Variants in DNA2 observed in about 807,000 individuals in gnomAD.
DNA2 encodes DNA replication helicase/nuclease 2, also known as DNA replication ATP-dependent helicase/nuclease DNA2.
Under a neutral mutation model 119.1 loss-of-function variants are expected in DNA2, and 101 were observed. The ratio of observed to expected loss-of-function variants is 0.85; its 90% confidence interval spans 0.72 to 1.00. The LOEUF is 1.00. Ranked by LOEUF, DNA2 falls within the 50% of genes least tolerant of loss-of-function variation. The pLI is 0.00. For synonymous variants in DNA2, 366 were observed against 424.4 expected, an observed-to-expected ratio of 0.86 and a Z score of 1.69; for missense variants, 1,121 against 1,255.5, an observed-to-expected ratio of 0.89 and a Z score of 1.62.
chr10:68,425,405 CTT>C (rs769692060), intron 14 of DNA2, among the ~76,000 whole-genome samples: 6 of 123,260 alleles, frequency 4.9e-5, no homozygotes, highest in Non-Finnish European at 5.3e-5. Context: ...TGTTTGTGTT[CTT>C]TTTTTTTTTT....
chr10:68,454,738 G>A (rs535990249), intron 5 of DNA2, among the ~76,000 whole-genome samples: 2 of 151,748 alleles, frequency 1.3e-5, no homozygotes, highest in Non-Finnish European at 2.9e-5. Flanking sequence ...CCTGGGAGGC[G>A]GAGGTTGTAG....
chr10:68,455,971 A>C (rs989837144), intron 5 of DNA2, among the ~76,000 whole-genome samples: 1 of 152,196 alleles, frequency 6.6e-6, no homozygotes, highest in Non-Finnish European at 1.5e-5. Context: ...TAACCCTAGC[A>C]CTTTGGGAGG....
At chr10:68,435,809 A>G (rs775237288) in intron 10 of DNA2, among the ~76,000 whole-genome samples, 4 of 152,188 alleles carry the variant, frequency 2.6e-5, no homozygotes, top group African/African-American at 9.7e-5. Flanking sequence ...GTATACTTAT[A>G]TCACAACTAT....
At chr10:68,424,930 A>T (rs2051717548) in intron 14 of DNA2, 2 of 683,846 alleles carry the variant, frequency 2.9e-6, no homozygotes, top group Non-Finnish European at 5.5e-6. Context: ...CACAAAGCCA[A>T]GTCTCGACAA....
chr10:68,451,709 C>G (rs540071782), intron 5 of DNA2, among the ~76,000 whole-genome samples: 21 of 151,300 alleles, frequency 1.4e-4, no homozygotes, highest in African/African-American at 4.8e-4. Context: ...TTGTTTAGTT[C>G]ATATTATTAT....
At chr10:68,442,796 A>G (rs1590061832) in intron 9 of DNA2, 121 bp downstream of exon 9, 10 of 825,694 alleles carry the variant, frequency 1.2e-5, no homozygotes, top group African/African-American at 8.7e-5. Flanking sequence ...GTTGTCATGA[A>G]TAAATGAAAT....
chr10:68,432,531 T>C, intron 10 of DNA2, 21 bp from the exon 11 acceptor site: 2 of 1,288,368 alleles, frequency 1.6e-6, no homozygotes, highest in East Asian at 2.5e-5. Flanking sequence ...AAAACAAATA[T>C]ACATGAATGC....
In DNA2 at chr10:68,459,149, A is replaced by G. The variant is rs1012375805; in HGVS notation, c.674T>C (p.Met225Thr). Residue 225 changes from methionine to threonine, a missense_variant, in exon 5 of 21, where the codon ATG becomes ACG. By Grantham distance (81) the Met-to-Thr change is moderately conservative. Coordinates refer to ENST00000358410, the MANE Select transcript of DNA2 (RefSeq NM_001080449.3). ...GAAGTCAGTCGAAGTGTTTTTATGC[A>G]TGAAATCTCCTGCCCATTTACAAAA... ...PSFCKWAGDF[M>T]HKNTSTDFPQ... is the part of the protein sequence containing the mutation. 6.3e-7 allele frequency: 1 copy of G among 1,598,348 alleles called. No homozygotes were observed. The highest frequency in any genetic ancestry group is 8.5e-7 in the Non-Finnish European group (1 of 1,171,636).
intron 9 of DNA2, among the ~76,000 whole-genome samples, chr10:68,438,912 A>T (rs946381670): frequency 6.6e-6 from 1 of 150,988 alleles, no homozygotes; most frequent in African/African-American, 2.4e-5. Flanking sequence ...AAGCACCTGT[A>T]ATCCCAGCTA....
chr10:68,428,251 G>A lies in DNA2; in HGVS notation c.2208+2185C>T, dbSNP rs150591544. ...CTGAGGCAGGAGAATGGCATGAGCT[G>A]GAAGGCGGAGCTTGCAGTGAGCCAA... On this transcript the variant is annotated intron_variant, in intron 14 of 20. Transcript: ENST00000358410. Among the ~76,000 whole-genome samples, 1,138 of 152,140 alleles carry A rather than the reference G, an allele frequency of 7.5e-3. 11 individuals carry two copies. Among genetic ancestry groups the A allele is most frequent in the African/African-American group, 0.024 (997 of 41,498 alleles).
intron 14 of DNA2, among the ~76,000 whole-genome samples, chr10:68,426,712 G>A (rs1419644116): frequency 2.6e-5 from 4 of 151,494 alleles, no homozygotes; most frequent in Non-Finnish European, 4.4e-5. Flanking sequence ...GGTGGTGGGC[G>A]CCTGTGGTCC....
intron 19 of DNA2, 103 bp from the exon 20 acceptor site, chr10:68,416,958 A>G: frequency 9.7e-7 from 1 of 1,029,476 alleles, no homozygotes; most frequent in Non-Finnish European, 1.4e-6. Flanking sequence ...TAAGAATAGA[A>G]TGAGGCCAGG....
chr10:68,427,440 G>A (rs1226883948), intron 14 of DNA2, among the ~76,000 whole-genome samples: 1 of 151,810 alleles, frequency 6.6e-6, no homozygotes, highest in African/African-American at 2.4e-5. Context: ...GAGGTGGGAG[G>A]ATCATTTGAA....
Position 68,460,030 on chromosome 10 carries a change from T to TACACACACACACAC in DNA2, c.588-809_588-796dup, listed in dbSNP as rs150226727. ...CAAGAGAGCAAGACTCCATCACAAA[T>TACACACACACACAC]ACACACACACACACACACACACACA... On this transcript the variant is annotated intron_variant, in intron 4 of 20. Transcript: ENST00000358410. 1.1e-3 allele frequency among the ~76,000 whole-genome samples: 162 copies of TACACACACACACAC among 145,686 alleles called. 1 individual carries two copies. Among genetic ancestry groups the TACACACACACACAC allele is most frequent in the Middle Eastern group, 3.4e-3 (1 of 290 alleles).
intron 4 of DNA2, among the ~76,000 whole-genome samples, chr10:68,463,056 T>G (rs2052279360): frequency 6.7e-6 from 1 of 149,122 alleles, no homozygotes; most frequent in African/African-American, 2.5e-5. Flanking sequence ...CACTTGAACC[T>G]GGGAGACAGA....
intron 4 of DNA2, among the ~76,000 whole-genome samples, chr10:68,465,185 A>AT (rs1475826676): frequency 2.0e-5 from 3 of 151,472 alleles, no homozygotes; most frequent in Non-Finnish European, 2.9e-5. Flanking sequence ...TGCCCTGCTA[A>AT]TTTTTTGTAT....
At chr10:68,461,514 G>C (rs971660581) in intron 4 of DNA2, 3 of 151,872 alleles carry the variant, frequency 2.0e-5, no homozygotes, top group Non-Finnish European at 4.4e-5. Flanking sequence ...GGAATATTGG[G>C]TGCTGTAGCT....
Position 68,414,877 on chromosome 10 carries a change from C to A in DNA2, c.*162G>T. ...TCTTTCTCTAGGTTAGGCAAAAATGCATGCATAGAACCCATAAATTCAGAC... is the reference window on the plus strand; with the variant it reads ...TCTTTCTCTAGGTTAGGCAAAAATGAATGCATAGAACCCATAAATTCAGAC... On this transcript the variant is annotated 3_prime_UTR_variant, in exon 21 of 21. Transcript: ENST00000358410. 2.3e-6 allele frequency: 1 copy of A among 436,342 alleles called. No homozygotes were observed. The allele number at this position is 436,342 out of a possible 1,614,324, so 27.0% of individuals were successfully genotyped here. A position where few individuals can be genotyped will look rare whatever the true frequency, so the allele number is the denominator to read the frequency against.
chr10:68,470,673 C>A, intron 1 of DNA2: 1 of 415,982 alleles, frequency 2.4e-6, no homozygotes, highest in Non-Finnish European at 4.7e-6. Context: ...AAATTTCTAC[C>A]ACTGGTGCAA....
Sources: gnomAD v4.1 joint callset for allele counts (sites outside exome capture counted in the v4.1 genomes callset) on GRCh38, gnomAD v4.1.1 for gene constraint, MANE v1.5 for transcripts, NCBI Gene and HGNC (gene_info 2026-07-23, HGNC 2026-07-21) for gene names.